Variants in PDE10A observed in about 807,000 individuals in gnomAD.
PDE10A encodes the protein phosphodiesterase 10A, also known as cAMP and cAMP-inhibited cGMP 3',5'-cyclic phosphodiesterase 10A.
PDE10A carries 39 observed loss-of-function variants against 97.7 expected under a neutral mutation model. The observed-to-expected ratio is 0.40, with a 90% CI of 0.31 to 0.52. The LOEUF is 0.52. Among genes scored for constraint, PDE10A ranks in the 20% least tolerant of loss-of-function variants. PDE10A has a pLI of 0.56. For synonymous variants in PDE10A, 371 were observed against 376.8 expected (o/e 0.98, Z 0.18); for missense variants, 731 against 1,047.8 (o/e 0.70, Z 4.17).
chr6:165,836,802 T>C (rs1780074129), intron 1 of PDE10A, among the ~76,000 whole-genome samples: 1 of 152,034 alleles, frequency 6.6e-6, no homozygotes, highest in Non-Finnish European at 1.5e-5. Flanking sequence ...CCAACCCAAA[T>C]GTCCAACAAT....
intron 1 of PDE10A, among the ~76,000 whole-genome samples, chr6:165,958,786 C>G (rs1258247808): frequency 6.8e-5 from 10 of 146,186 alleles, no homozygotes; most frequent in Non-Finnish European, 1.4e-4. Flanking sequence ...GCCAGCCATG[C>G]CTCCCGACTC....
In PDE10A at chr6:165,938,286, C is replaced by T. The variant is rs75246601; in HGVS notation, c.-615+49243G>A. On this transcript the variant is annotated intron_variant, in intron 1 of 19. Coordinates refer to the PDE10A transcript ENST00000366882. ...CAAACACTGCTTCACAAAGCTGTAG[C>T]GTGGAGTCCATTGACAACTGTGAGC... Among the ~76,000 whole-genome samples the T allele has an allele frequency of 1.1e-4, 17 of 152,274 alleles. 1 individual carries two copies. In the East Asian group the frequency reaches 1.7e-3, roughly 16 times the overall value.
chr6:165,863,359 A>G (rs2453393), intron 1 of PDE10A, among the ~76,000 whole-genome samples: 110,221 of 152,182 alleles, frequency 0.72, 40,383 homozygotes, highest in East Asian at 0.96. Flanking sequence ...GAAGCCCCAC[A>G]TGAAAAATTA....
intron 1 of PDE10A, among the ~76,000 whole-genome samples, chr6:165,706,354 A>G (rs779289832): frequency 2.6e-5 from 4 of 152,188 alleles, no homozygotes; most frequent in Non-Finnish European, 4.4e-5. Flanking sequence ...TCTCAGTATC[A>G]GGACACAGGT....
intron 18 of PDE10A, among the ~76,000 whole-genome samples, chr6:165,375,861 C>T (rs1784575214): frequency 6.6e-6 from 1 of 152,122 alleles, no homozygotes; most frequent in East Asian, 1.9e-4. Flanking sequence ...GCCTCAATGA[C>T]AGCACATTTG....
At chr6:165,468,727 A>C (rs769224618) in intron 3 of PDE10A, among the ~76,000 whole-genome samples, 1 of 152,246 alleles carries the variant, frequency 6.6e-6, no homozygotes, top group Non-Finnish European at 1.5e-5. Context: ...CTTATGACCA[A>C]AAAAGTATCT....
At chr6:165,954,028 C>A (rs1389326864) in intron 1 of PDE10A, among the ~76,000 whole-genome samples, 1 of 152,170 alleles carries the variant, frequency 6.6e-6, no homozygotes, top group Admixed American at 6.5e-5. Context: ...CAGATTGCTT[C>A]TTTCACTAAG....
At chr6:165,624,045 C>T (rs901006864) in intron 1 of PDE10A, among the ~76,000 whole-genome samples, 3 of 152,248 alleles carry the variant, frequency 2.0e-5, no homozygotes, top group African/African-American at 7.2e-5. Context: ...CCTCATCAAA[C>T]TCTGCTTCTG....
intron 1 of PDE10A, among the ~76,000 whole-genome samples, chr6:165,556,106 T>C (rs1270866784): frequency 1.3e-5 from 2 of 152,232 alleles, no homozygotes; most frequent in Non-Finnish European, 2.9e-5. Context: ...ACTTATGTTA[T>C]TGATAAGGCT....
At chr6:165,853,629 G>A (rs144673243) in intron 1 of PDE10A, among the ~76,000 whole-genome samples, 2 of 152,286 alleles carry the variant, frequency 1.3e-5, no homozygotes, top group Non-Finnish European at 2.9e-5. Context: ...ATTAGTGATT[G>A]TAAAGAAATC....
At chr6:165,596,034 A>C (rs749693607) in intron 1 of PDE10A, among the ~76,000 whole-genome samples, 2 of 152,232 alleles carry the variant, frequency 1.3e-5, no homozygotes, top group Admixed American at 1.3e-4. Flanking sequence ...ACAAGATCTC[A>C]AAGTATCATT....
chr6:165,826,549 C>T (rs1779758996), intron 1 of PDE10A, among the ~76,000 whole-genome samples: 1 of 143,300 alleles, frequency 7.0e-6, no homozygotes, highest in African/African-American at 2.5e-5. Flanking sequence ...CTGTCCCCGT[C>T]TCTCTCTCTC....
At chr6:165,382,987 C>T (rs559882557) in intron 17 of PDE10A, among the ~76,000 whole-genome samples, 2 of 152,170 alleles carry the variant, frequency 1.3e-5, no homozygotes, top group South Asian at 4.2e-4. Flanking sequence ...TAATATACAA[C>T]AGCAAATTGT....
At chr6:165,338,617 C>A (rs1174830508) in intron 20 of PDE10A, among the ~76,000 whole-genome samples, 2 of 152,074 alleles carry the variant, frequency 1.3e-5, no homozygotes, top group African/African-American at 2.4e-5. Flanking sequence ...AAAAAATGAA[C>A]CTGAATTAAA....
At chr6:165,834,929 G>A (rs1406367201) in intron 1 of PDE10A, among the ~76,000 whole-genome samples, 1 of 152,248 alleles carries the variant, frequency 6.6e-6, no homozygotes, top group East Asian at 1.9e-4. Context: ...TGCACCAGCA[G>A]GGTTAGGAGC....
At chr6:165,678,381 C>T (rs1168900799) in intron 1 of PDE10A, among the ~76,000 whole-genome samples, 1 of 125,804 alleles carries the variant, frequency 7.9e-6, no homozygotes, top group African/African-American at 3.0e-5. Flanking sequence ...TATGATTCTT[C>T]CCGTTATGAA....
At chr6:165,708,026 C>A (rs1316365274) in intron 1 of PDE10A, among the ~76,000 whole-genome samples, 1 of 152,152 alleles carries the variant, frequency 6.6e-6, no homozygotes, top group Non-Finnish European at 1.5e-5. Flanking sequence ...ACAAACCAAC[C>A]CTCTTGACTT....
intron 1 of PDE10A, among the ~76,000 whole-genome samples, chr6:165,748,144 T>C (rs1366688136): frequency 1.3e-5 from 2 of 152,176 alleles, no homozygotes; most frequent in African/African-American, 4.8e-5. Flanking sequence ...AGAGAACCCA[T>C]GTCAGACAGC....
At chr6:165,688,330 C>T (rs948845658) in intron 1 of PDE10A, among the ~76,000 whole-genome samples, 35 of 152,096 alleles carry the variant, frequency 2.3e-4, no homozygotes, top group Admixed American at 1.9e-3. Context: ...AGAGCAAAAA[C>T]GCAAACTGAG....
Sources: allele counts gnomAD v4.1 joint callset (sites outside exome capture counted in the v4.1 genomes callset), GRCh38; gene constraint gnomAD v4.1.1; transcripts MANE v1.5; gene names NCBI Gene and HGNC (gene_info 2026-07-23, HGNC 2026-07-21).